DGKB: variants seen among roughly 807,000 people sequenced by gnomAD.
DGKB encodes the protein diacylglycerol kinase beta, also known as 90 kDa diacylglycerol kinase.
A neutral mutation model predicts 114.3 loss-of-function variants in DGKB; 67 were observed. The ratio of observed to expected loss-of-function variants is 0.59; its 90% CI spans 0.48 to 0.72. DGKB has a LOEUF of 0.72. Among genes scored for constraint, DGKB ranks in the 30% least tolerant of loss-of-function variants. DGKB has a pLI of 0.00. For synonymous variants in DGKB, 398 were observed against 323.1 expected, an observed-to-expected ratio of 1.23 and a Z score of -2.49; for missense variants, 907 against 975.2, an observed-to-expected ratio of 0.93 and a Z score of 0.93.
At chr7:14,553,950 G>A (rs1795497117) in intron 20 of DGKB, among the ~76,000 whole-genome samples, 1 of 129,278 alleles carries the variant, frequency 7.7e-6, no homozygotes, top group South Asian at 2.5e-4. Flanking sequence ...TCGGCTCACT[G>A]CAAGCTCCGC....
At position 14,191,099 on chromosome 7, in the gene DGKB, C is replaced by T. The variant is rs141458963; in HGVS notation, c.2123-12948G>A. 1.3e-4 allele frequency: 21 copies of T among 160,632 alleles called. No individual in the cohort carries two copies. In the East Asian group the frequency reaches 1.8e-3, roughly 14 times the overall value. 10.0% of individuals were successfully genotyped at this position (160,632 alleles called of 1,614,324 possible). On this transcript the variant is annotated intron_variant, in intron 23 of 25. Coordinates refer to ENST00000402815, the MANE Select transcript of DGKB (RefSeq NM_001350709.2). The stretch of plus-strand genomic sequence containing the variant: ...TGGGACACAGATGCTTTGCGAAAAA[C>T]GTGAATACAGCCACATTTCAGGCTG...
At chr7:14,747,046 A>G (rs1833393879) in intron 4 of DGKB, among the ~76,000 whole-genome samples, 1 of 152,172 alleles carries the variant, frequency 6.6e-6, no homozygotes, top group Admixed American at 6.5e-5. Flanking sequence ...ACAAGATGAC[A>G]TCACATTATT....
chr7:14,449,510 C>A (rs968018242), intron 21 of DGKB, among the ~76,000 whole-genome samples: 1 of 152,012 alleles, frequency 6.6e-6, no homozygotes, highest in Non-Finnish European at 1.5e-5. Context: ...AATTAATATA[C>A]GCCATGCAGG....
chr7:14,352,217 A>C (rs2128608837), intron 21 of DGKB, among the ~76,000 whole-genome samples: 1 of 152,292 alleles, frequency 6.6e-6, no homozygotes, highest in South Asian at 2.1e-4. Flanking sequence ...GTAATTTTTA[A>C]CCTGAATTAC....
Position 14,792,216 on chromosome 7 carries a change from G to A in DGKB, c.71-34485C>T, listed in dbSNP as rs2128508907. 2.0e-5 allele frequency among the ~76,000 whole-genome samples: 3 copies of A among 152,230 alleles called. No homozygotes were observed. In the Middle Eastern group the frequency reaches 0.01, roughly 518 times the overall value. On this transcript the variant is annotated intron_variant, in intron 2 of 25. Transcript: ENST00000402815. ...CTCAGCATCTCTGTGAGCTTCAGCT[G>A]TATTATTTGCAGTAATTATGCTATT...
intron 16 of DGKB, among the ~76,000 whole-genome samples, chr7:14,611,170 T>G (rs1035291407): frequency 6.6e-6 from 1 of 152,144 alleles, no homozygotes; most frequent in Admixed American, 6.6e-5. Flanking sequence ...TCTTCAGAGA[T>G]AGTTATCTCC....
chr7:14,485,580 A>G, intron 20 of DGKB, among the ~76,000 whole-genome samples: 1 of 152,114 alleles, frequency 6.6e-6, no homozygotes, highest in Non-Finnish European at 1.5e-5. Flanking sequence ...TGAATGGTAC[A>G]TGAAAATTCA....
At chr7:14,233,954 A>G (rs544081036) in intron 23 of DGKB, among the ~76,000 whole-genome samples, 1 of 152,174 alleles carries the variant, frequency 6.6e-6, no homozygotes, top group South Asian at 2.1e-4. Context: ...TTTTAACCCT[A>G]AAGCTCAGAG....
Position 14,574,380 on chromosome 7 carries a change from G to GA in DGKB, c.1610-9dup, listed in dbSNP as rs140583976. On this transcript the variant is annotated splice_polypyrimidine_tract_variant and intron_variant, in intron 19 of 25. Coordinates refer to ENST00000402815, the MANE Select transcript of DGKB (RefSeq NM_001350709.2). ...GATTCTCACCTTCGTAACCTAGTGG[G>GA]AAAAAAAAATACCTTGAGAAAAGAA... 8,339 of 1,560,902 alleles carry GA rather than the reference G, an allele frequency of 5.3e-3. 273 individuals carry two copies. The African/African-American group carries it at 0.088, about 17-fold the overall frequency.
intron 17 of DGKB, among the ~76,000 whole-genome samples, chr7:14,605,006 T>G (rs549593300): frequency 6.6e-6 from 1 of 152,232 alleles, no homozygotes; most frequent in Admixed American, 6.6e-5. Flanking sequence ...TAAAACAAAC[T>G]TTTGACATTG....
chr7:14,657,191 C>G (rs900412637), intron 13 of DGKB, among the ~76,000 whole-genome samples: 1 of 150,934 alleles, frequency 6.6e-6, no homozygotes, highest in Non-Finnish European at 1.5e-5. Flanking sequence ...AATGGATGTA[C>G]ACATGTTTTA....
At chr7:14,696,851 A>G (rs1824023418) in intron 8 of DGKB, among the ~76,000 whole-genome samples, 1 of 152,208 alleles carries the variant, frequency 6.6e-6, no homozygotes, top group African/African-American at 2.4e-5. Context: ...AACTGGAAAA[A>G]TCCTAATCCC....
chr7:14,822,927 T>A (rs1845146226), intron 2 of DGKB, among the ~76,000 whole-genome samples: 1 of 152,048 alleles, frequency 6.6e-6, no homozygotes. Context: ...TCAAATATAT[T>A]TTTCTACATA....
At chr7:14,728,374 C>G (rs1830330468) in intron 5 of DGKB, among the ~76,000 whole-genome samples, 1 of 152,160 alleles carries the variant, frequency 6.6e-6, no homozygotes, top group Non-Finnish European at 1.5e-5. Context: ...CTTAGCATGA[C>G]AGGCAAAACT....
chr7:14,878,236 C>G (rs1244200879), intron 1 of DGKB, among the ~76,000 whole-genome samples: 1 of 152,090 alleles, frequency 6.6e-6, no homozygotes, highest in Admixed American at 6.6e-5. Context: ...TTACATCCAC[C>G]TTTTGATTTT....
intron 1 of DGKB, among the ~76,000 whole-genome samples, chr7:14,969,606 T>C (rs1162243429): frequency 6.6e-6 from 1 of 152,136 alleles, no homozygotes; most frequent in African/African-American, 2.4e-5. Flanking sequence ...AATCCTATTG[T>C]AAACTAAGCA....
chr7:14,770,298 C>A (rs1032263347), intron 2 of DGKB, among the ~76,000 whole-genome samples: 9 of 152,120 alleles, frequency 5.9e-5, no homozygotes, highest in African/African-American at 1.9e-4. Context: ...GGTCAAGAAT[C>A]GGGTTGCAAG....
At chr7:14,628,935 T>A (rs1418962856) in intron 14 of DGKB, among the ~76,000 whole-genome samples, 3 of 152,056 alleles carry the variant, frequency 2.0e-5, no homozygotes, top group African/African-American at 7.2e-5. Flanking sequence ...ACTTTTTTCC[T>A]GAAAATTAAA....
intron 18 of DGKB, among the ~76,000 whole-genome samples, chr7:14,581,388 A>G (rs1358063232): frequency 2.6e-5 from 4 of 152,246 alleles, no homozygotes; most frequent in Non-Finnish European, 5.9e-5. Context: ...GGAATAAAAT[A>G]TTTGAAAACT....
Sources: gnomAD v4.1 joint callset for allele counts (sites outside exome capture counted in the v4.1 genomes callset) on GRCh38, gnomAD v4.1.1 for gene constraint, MANE v1.5 for transcripts, NCBI Gene and HGNC (gene_info 2026-07-23, HGNC 2026-07-21) for gene names.